TPO: variants seen among roughly 807,000 people sequenced by gnomAD.
TPO encodes the protein thyroid peroxidase, also known as thyroid microsomal antigen.
Under a neutral mutation model 96.9 loss-of-function variants are expected in TPO, and 78 were observed. The ratio of observed to expected loss-of-function variants is 0.81; its 90% confidence interval spans 0.67 to 0.97. The LOEUF is 0.97. Ranked by LOEUF, TPO falls within the 50% of genes least tolerant of loss-of-function variation. The pLI, the probability that TPO is intolerant of heterozygous loss-of-function variation, is 0.00. For missense variants in TPO, 1,252 were observed against 1,274.8 expected, an observed-to-expected ratio of 0.98 and a Z score of 0.27; for synonymous variants, 547 against 538.0, an observed-to-expected ratio of 1.02 and a Z score of -0.23.
chr2:1,458,217 G>C (rs1668050392), intron 7 of TPO, among the ~76,000 whole-genome samples: 4 of 151,790 alleles, frequency 2.6e-5, no homozygotes, highest in Admixed American at 2.0e-4. Context: ...TGGCATATAA[G>C]ATACTGTGTG....
chr2:1,449,820 A>T (rs1291155408), intron 5 of TPO, among the ~76,000 whole-genome samples: 1 of 152,204 alleles, frequency 6.6e-6, no homozygotes, highest in Non-Finnish European at 1.5e-5. Flanking sequence ...GATTATAGAA[A>T]GCATTTGCAT....
intron 15 of TPO, 47 bp downstream of exon 15, chr2:1,517,029 C>T (rs1465578072): frequency 6.3e-7 from 1 of 1,589,624 alleles, no homozygotes; most frequent in South Asian, 1.1e-5. Flanking sequence ...AAGCAATCTC[C>T]TTTCCTCTGG....
At chr2:1,521,707 C>T (rs1180716925) in intron 15 of TPO, among the ~76,000 whole-genome samples, 1 of 152,032 alleles carries the variant, frequency 6.6e-6, no homozygotes, top group African/African-American at 2.4e-5. Flanking sequence ...GGGATCCGAA[C>T]CTGTTGTAGT....
intron 8 of TPO, among the ~76,000 whole-genome samples, chr2:1,480,031 C>T (rs1670391117): frequency 6.6e-6 from 1 of 152,198 alleles, no homozygotes; most frequent in African/African-American, 2.4e-5. Context: ...ATCCGCCTGC[C>T]TCAGGCTCCC....
chr2:1,477,794 T>G, intron 8 of TPO, 190 bp downstream of exon 8: 1 of 985,388 alleles, frequency 1.0e-6, no homozygotes, highest in Non-Finnish European at 1.2e-6. Context: ...TGCATGGGCG[T>G]GTGGAGGGTC....
rs1664270406 is a variant in TPO at position 1,425,512 on chromosome 2, G to T, written c.179+2383G>T. Among the ~76,000 whole-genome samples, 3 of 150,892 alleles carry T rather than the reference G, an allele frequency of 2.0e-5. No individual in the cohort carries two copies. In the South Asian group the frequency reaches 6.3e-4, roughly 32 times the overall value. Reference sequence around the variant, plus strand: ...CAGAAGTCCGTACTCCTTCTGTAAAGTCATCGTTCTAGATGCCGGGATACA... The same window carrying T: ...CAGAAGTCCGTACTCCTTCTGTAAATTCATCGTTCTAGATGCCGGGATACA... On this transcript the variant is annotated intron_variant, in intron 3 of 16. Transcript: ENST00000329066.
chr2:1,516,928 C>G lies in TPO; in HGVS notation c.2564C>G (p.Ala855Gly), dbSNP rs1674776202. 1 of 1,614,008 alleles carries G rather than the reference C, an allele frequency of 6.2e-7. No homozygotes were observed. The highest frequency in any genetic ancestry group is 1.7e-5 in the Admixed American group (1 of 60,028). ...GTGACTTGGATCTCCATGTCGCTGGCTGCTCTGCTGATCGGAGGCTTCGCA... is the reference window on the plus strand; with the variant it reads ...GTGACTTGGATCTCCATGTCGCTGGGTGCTCTGCTGATCGGAGGCTTCGCA... ...PRVTWISMSL[A>G]ALLIGGFAGL... The change falls in exon 15 of 17, where the codon GCT (alanine) becomes GGT (glycine). Residue 855 changes from alanine (A) to glycine (G), a missense_variant. By Grantham distance (60) the Ala-to-Gly change is moderately conservative (BLOSUM62 0). Transcript: ENST00000329066.
intron 1 of TPO, among the ~76,000 whole-genome samples, chr2:1,379,238 G>A (rs562194068): frequency 6.6e-6 from 1 of 152,258 alleles, no homozygotes; most frequent in East Asian, 1.9e-4. Context: ...CCAGGAGGCG[G>A]AGGTTGCAGT....
At chr2:1,472,827 C>CAAAA (rs34064729) in intron 7 of TPO, among the ~76,000 whole-genome samples, 1,254 of 48,282 alleles carry the variant, frequency 0.026, 231 homozygotes, top group African/African-American at 0.095. Context: ...TGTTTGGCGG[C>CAAAA]AAAAAAAAAA....
intron 4 of TPO, among the ~76,000 whole-genome samples, 192 bp downstream of exon 4, chr2:1,433,799 G>A (rs1421016448): frequency 6.6e-6 from 1 of 152,102 alleles, no homozygotes; most frequent in Non-Finnish European, 1.5e-5. Context: ...TCTTATTTTT[G>A]TTACTCTGGA....
chr2:1,504,010 A>C lies in TPO; in HGVS notation c.2449A>C (p.Thr817Pro), dbSNP rs756817926. The change falls in exon 14 of 17, where the codon ACC (threonine) becomes CCC (proline). Residue 817 changes from threonine (T) to proline (P), a missense_variant. Transcript: ENST00000329066. Reference sequence around the variant, plus strand: ...CCACGCCTCTGCGAGGTGCAGAAACACCAAAGGCGGCTTCCAGTGTCTCTG... The same window carrying C: ...CCACGCCTCTGCGAGGTGCAGAAACCCCAAAGGCGGCTTCCAGTGTCTCTG... ...PCHASARCRN[T>P]KGGFQCLCAD... 30 of 1,613,998 alleles carry C rather than the reference A, an allele frequency of 1.9e-5. No homozygotes were observed. Among genetic ancestry groups the C allele is most frequent in the Non-Finnish European group, 2.5e-5 (30 of 1,180,036 alleles).
intron 15 of TPO, among the ~76,000 whole-genome samples, chr2:1,533,360 C>T (rs1678790637): frequency 8.0e-6 from 1 of 125,212 alleles, no homozygotes; most frequent in Non-Finnish European, 1.7e-5. Context: ...TTCCCAAATC[C>T]CCCCACTGTG....
intron 15 of TPO, among the ~76,000 whole-genome samples, chr2:1,539,775 G>C (rs1002427451): frequency 1.3e-5 from 2 of 151,552 alleles, no homozygotes; most frequent in Non-Finnish European, 2.9e-5. Context: ...CAGGCGGGGC[G>C]GGGAATGCTC....
rs11691963 is a variant in TPO at position 1,494,078 on chromosome 2, A to G, written c.2006+39A>G. The G allele has an allele frequency of 1.9e-3, 2,975 of 1,601,128 alleles. 59 individuals carry two copies. In the African/African-American group the frequency reaches 0.035, roughly 19 times the overall value. ...CAGAGCGTCTTCCTTCACGTTCTGC[A>G]CAGAGGCAGGTGGTCTGCGTTGGTT... On this transcript the variant is annotated intron_variant, in intron 11 of 16. Transcript: ENST00000329066.
intron 13 of TPO, among the ~76,000 whole-genome samples, chr2:1,497,024 G>A (rs2124950222): frequency 6.6e-6 from 1 of 152,248 alleles, no homozygotes; most frequent in Non-Finnish European, 1.5e-5. Flanking sequence ...AAGAGAGAGG[G>A]GAGTCCGTGA....
chr2:1,383,514 T>C (rs567998667), intron 1 of TPO, among the ~76,000 whole-genome samples: 16 of 152,372 alleles, frequency 1.1e-4, no homozygotes, highest in African/African-American at 3.8e-4. Context: ...GTTGGCTGCA[T>C]AAATGTCTTC....
intron 15 of TPO, among the ~76,000 whole-genome samples, chr2:1,522,500 C>A (rs1177982435): frequency 1.3e-5 from 2 of 151,212 alleles, no homozygotes; most frequent in African/African-American, 4.9e-5. Flanking sequence ...CGCCACCGTG[C>A]CCTCACAGTC....
At chr2:1,412,409 C>T (rs1662438590), upstream of TPO, among the ~76,000 whole-genome samples, 1 of 152,122 alleles carries the variant, frequency 6.6e-6, no homozygotes, top group Admixed American at 6.6e-5. Context: ...TGACCATTCT[C>T]AGGGTGCGTG....
intron 1 of TPO, among the ~76,000 whole-genome samples, chr2:1,394,102 C>G (rs1662044483): frequency 6.6e-6 from 1 of 152,134 alleles, no homozygotes; most frequent in Non-Finnish European, 1.5e-5. Flanking sequence ...AAAATATGTC[C>G]AGCAGCCCCC....
Sources: gnomAD v4.1 joint callset for allele counts (sites outside exome capture counted in the v4.1 genomes callset) on GRCh38, gnomAD v4.1.1 for gene constraint, MANE v1.5 for transcripts, NCBI Gene and HGNC (gene_info 2026-07-23, HGNC 2026-07-21) for gene names.